KAZN: variants seen among roughly 807,000 people sequenced by gnomAD.
The protein encoded by KAZN is kazrin.
In KAZN, 40 loss-of-function variants were observed where a neutral mutation model predicts 87.4. The observed-to-expected ratio is 0.46, with a 90% CI of 0.36 to 0.60. KAZN has a LOEUF of 0.60. KAZN is among the 20% of genes least tolerant of loss of function. The pLI is 0.00. For synonymous variants in KAZN, 466 were observed against 458.3 expected, an observed-to-expected ratio of 1.02 and a Z score of -0.22; for missense variants, 898 against 1,073.9, an observed-to-expected ratio of 0.84 and a Z score of 2.29.
intron 1 of KAZN, among the ~76,000 whole-genome samples, chr1:14,905,288 G>A (rs1203342400): frequency 6.6e-6 from 1 of 152,060 alleles, no homozygotes; most frequent in Non-Finnish European, 1.5e-5. Flanking sequence ...CAAACTCCTG[G>A]CCTCAAGTGA....
At chr1:14,580,798 C>T (rs1446539650) in intron 2 of KAZN, among the ~76,000 whole-genome samples, 2 of 152,202 alleles carry the variant, frequency 1.3e-5, no homozygotes, top group Admixed American at 6.5e-5. Context: ...ATTCCAGATT[C>T]TTGGTCGATC....
chr1:14,288,426 A>C (rs1375818095), intron 2 of KAZN, among the ~76,000 whole-genome samples: 2 of 152,156 alleles, frequency 1.3e-5, no homozygotes, highest in Non-Finnish European at 2.9e-5. Flanking sequence ...TGTGTCCACG[A>C]ATTTATCCAT....
chr1:14,733,194 G>C (rs774739006), intron 1 of KAZN, among the ~76,000 whole-genome samples: 1 of 152,106 alleles, frequency 6.6e-6, no homozygotes. Flanking sequence ...ACTGCCCCAG[G>C]CTTGGTAATT....
At chr1:14,332,387 G>A (rs1284881913) in intron 2 of KAZN, among the ~76,000 whole-genome samples, 1 of 152,082 alleles carries the variant, frequency 6.6e-6, no homozygotes, top group African/African-American at 2.4e-5. Context: ...CCACCTTTGG[G>A]GATAATGCTG....
At chr1:14,541,367 C>G (rs1190048033) in intron 2 of KAZN, among the ~76,000 whole-genome samples, 1 of 152,202 alleles carries the variant, frequency 6.6e-6, no homozygotes, top group Non-Finnish European at 1.5e-5. Flanking sequence ...TAAGTTCTTT[C>G]CTGGGGCATG....
At chr1:14,104,668 G>T (rs545362663) in intron 1 of KAZN, among the ~76,000 whole-genome samples, 1 of 152,284 alleles carries the variant, frequency 6.6e-6, no homozygotes, top group South Asian at 2.1e-4. Context: ...TTCTGCAACA[G>T]GTTAAAATAA....
intron 2 of KAZN, among the ~76,000 whole-genome samples, chr1:14,314,654 A>G (rs1655532067): frequency 6.6e-6 from 1 of 152,096 alleles, no homozygotes; most frequent in African/African-American, 2.4e-5. Flanking sequence ...TTTGTTGTTT[A>G]AAAGTAAATT....
chr1:14,788,180 C>T (rs1343981002), intron 1 of KAZN, among the ~76,000 whole-genome samples: 1 of 152,164 alleles, frequency 6.6e-6, no homozygotes, highest in Non-Finnish European at 1.5e-5. Flanking sequence ...AGAAGCCAGC[C>T]CTGTCTCAGT....
chr1:14,436,365 G>A (rs1168259746), intron 2 of KAZN, among the ~76,000 whole-genome samples: 2 of 152,118 alleles, frequency 1.3e-5, no homozygotes, highest in African/African-American at 4.8e-5. Flanking sequence ...TGCTGGTGGT[G>A]GTGGTGGTGG....
rs114995310 is a variant in KAZN, at chr1:14,819,077, A to G, written c.227-141607A>G. ...TCTCAAAAAAAAATTGAAGATACTC[A>G]GTACCAAGAAGGTCCAAGAAAGTCG... On this transcript the variant is annotated intron_variant, in intron 1 of 14. Coordinates refer to ENST00000376030, the MANE Select transcript of KAZN (RefSeq NM_201628.3). Among the ~76,000 whole-genome samples, 886 of 152,354 alleles carry G rather than the reference A, an allele frequency of 5.8e-3. 12 individuals are homozygous for G. The highest frequency in any genetic ancestry group is 0.021 in the African/African-American group (856 of 41,588).
At chr1:14,666,541 C>T (rs1639561554) in intron 1 of KAZN, among the ~76,000 whole-genome samples, 1 of 152,200 alleles carries the variant, frequency 6.6e-6, no homozygotes, top group African/African-American at 2.4e-5. Flanking sequence ...CAGAACGTTA[C>T]TGTGTCTGTT....
intron 2 of KAZN, among the ~76,000 whole-genome samples, chr1:15,014,065 G>A (rs1669848087): frequency 6.6e-6 from 1 of 152,120 alleles, no homozygotes; most frequent in Admixed American, 6.5e-5. Context: ...TTTTGTCTTA[G>A]GCTGAGCAGA....
intron 1 of KAZN, among the ~76,000 whole-genome samples, chr1:13,993,916 A>C (rs981462): frequency 0.91 from 137,881 of 152,252 alleles, 62,743 homozygotes; most frequent in African/African-American, 0.96. Flanking sequence ...CTTTAATAAG[A>C]ACATTGGGTG....
chr1:14,120,126 A>AGAG (rs2101699110), intron 1 of KAZN, among the ~76,000 whole-genome samples: 1 of 152,316 alleles, frequency 6.6e-6, no homozygotes, highest in South Asian at 2.1e-4. Flanking sequence ...TACATAGAAA[A>AGAG]GAGGTTTAAT....
At chr1:13,955,632 G>A (rs866161215) in intron 1 of KAZN, among the ~76,000 whole-genome samples, 17 of 152,268 alleles carry the variant, frequency 1.1e-4, no homozygotes, top group Middle Eastern at 3.4e-3. Context: ...GGGAAGGAGA[G>A]GACAACTGGA....
At chr1:14,473,740 CAT>C (rs2148375157) in intron 2 of KAZN, among the ~76,000 whole-genome samples, 1 of 152,182 alleles carries the variant, frequency 6.6e-6, no homozygotes, top group East Asian at 1.9e-4. Flanking sequence ...ACCATCTCCA[CAT>C]GTCTATGCCG....
intron 1 of KAZN, among the ~76,000 whole-genome samples, chr1:13,948,338 C>T (rs4661454): frequency 0.83 from 126,940 of 152,124 alleles, 52,999 homozygotes; most frequent in South Asian, 0.94. Flanking sequence ...TATGCTGTTC[C>T]CCTGATAGTG....
At chr1:14,758,040 A>G (rs965480810) in intron 1 of KAZN, among the ~76,000 whole-genome samples, 2 of 152,206 alleles carry the variant, frequency 1.3e-5, no homozygotes, top group African/African-American at 2.4e-5. Context: ...CCACAGCCAC[A>G]ACACAGGTAG....
chr1:15,090,443 C>T (rs1640478637), intron 8 of KAZN, among the ~76,000 whole-genome samples: 1 of 152,214 alleles, frequency 6.6e-6, no homozygotes, highest in Non-Finnish European at 1.5e-5. Context: ...TGTGCCTGAT[C>T]CAAAAGACTT....
Sources: gnomAD v4.1 joint callset for allele counts (sites outside exome capture counted in the v4.1 genomes callset) on GRCh38, gnomAD v4.1.1 for gene constraint, MANE v1.5 for transcripts, NCBI Gene and HGNC (gene_info 2026-07-23, HGNC 2026-07-21) for gene names.